NDC1: variants seen among roughly 807,000 people sequenced by gnomAD.
The protein encoded by NDC1 is nucleoporin NDC1.
In NDC1, 24 loss-of-function variants were observed where a neutral mutation model predicts 89.8. That is an observed-to-expected ratio of 0.27 (90% CI 0.19 to 0.38). NDC1 has a LOEUF of 0.38. NDC1 is among the 10% of genes least tolerant of loss of function. NDC1 has a pLI of 1.00. For synonymous variants in NDC1, 296 were observed against 284.8 expected (o/e 1.04, Z -0.39); for missense variants, 728 against 797.6 (o/e 0.91, Z 1.05).
At chr1:53,824,067 T>A (rs147136504) in intron 5 of NDC1, among the ~76,000 whole-genome samples, 4 of 151,704 alleles carry the variant, frequency 2.6e-5, no homozygotes, top group Non-Finnish European at 5.9e-5. Context: ...TAGACCCCAC[T>A]CTACAAAAAA....
intron 5 of NDC1, among the ~76,000 whole-genome samples, chr1:53,820,299 C>A (rs1648622125): frequency 6.6e-6 from 1 of 151,402 alleles, no homozygotes; most frequent in Non-Finnish European, 1.5e-5. Context: ...AAAAAAAAAT[C>A]TCATAATGTT....
intron 5 of NDC1, among the ~76,000 whole-genome samples, chr1:53,821,913 C>T (rs1264952499): frequency 1.3e-5 from 2 of 152,188 alleles, no homozygotes; most frequent in Admixed American, 1.3e-4. Flanking sequence ...TTTCTTTGTG[C>T]CCTACTTCAT....
chr1:53,800,266 G>A (rs1038665803), intron 11 of NDC1, among the ~76,000 whole-genome samples: 2 of 150,090 alleles, frequency 1.3e-5, no homozygotes. Context: ...CTATATGTTG[G>A]ATCAATTTTC....
At chr1:53,785,997 T>C (rs1470905351) in intron 16 of NDC1, among the ~76,000 whole-genome samples, 2 of 152,180 alleles carry the variant, frequency 1.3e-5, no homozygotes, top group East Asian at 3.8e-4. Context: ...CGATCTCCAC[T>C]CACCATAACC....
intron 7 of NDC1, 51 bp downstream of exon 7, chr1:53,809,644 T>C: frequency 7.6e-7 from 1 of 1,323,146 alleles, no homozygotes; most frequent in Non-Finnish European, 1.1e-6. Flanking sequence ...ATAGCAAACA[T>C]CTAAAAGAAT....
chr1:53,790,759 T>C (rs1647469564), intron 14 of NDC1, among the ~76,000 whole-genome samples: 1 of 152,108 alleles, frequency 6.6e-6, no homozygotes, highest in Non-Finnish European at 1.5e-5. Context: ...CTACTTGTTA[T>C]CTCTTTTAAA....
chr1:53,771,503 T>C (rs553944505), intron 17 of NDC1, among the ~76,000 whole-genome samples: 24 of 152,266 alleles, frequency 1.6e-4, no homozygotes, highest in Non-Finnish European at 2.4e-4. Flanking sequence ...GATAAAACTT[T>C]CTGGAAGTAG....
intron 3 of NDC1, among the ~76,000 whole-genome samples, chr1:53,830,909 C>A (rs1352331770): frequency 6.7e-6 from 1 of 149,250 alleles, no homozygotes; most frequent in Non-Finnish European, 1.5e-5. Flanking sequence ...GATCCTACCG[C>A]ATCTGTTTCT....
In NDC1 at chr1:53,823,528, G is replaced by A. The variant is rs376857371; in HGVS notation, c.594+2270C>T. Among the ~76,000 whole-genome samples the A allele has an allele frequency of 5.9e-5, 9 of 152,340 alleles. No individual in the cohort carries two copies. In the South Asian group the frequency reaches 1.9e-3, roughly 32 times the overall value. ...GCATTGTCAACTATCAGACTTCTAT[G>A]TGCACTCTACTGCATATCTGTGGTG... On this transcript the variant is annotated intron_variant, in intron 5 of 17. Transcript: ENST00000371429.
At chr1:53,834,757 A>C (rs34640823) in intron 2 of NDC1, among the ~76,000 whole-genome samples, 83,514 of 151,984 alleles carry the variant, frequency 0.55, 25,013 homozygotes, top group South Asian at 0.73. Flanking sequence ...AGTTATTAAC[A>C]GAAAACAAGT....
At chr1:53,799,273 C>T (rs1647828303) in intron 11 of NDC1, among the ~76,000 whole-genome samples, 2 of 152,186 alleles carry the variant, frequency 1.3e-5, no homozygotes. Context: ...ACTAAAAGGT[C>T]AGATCCAAGA....
intron 10 of NDC1, among the ~76,000 whole-genome samples, chr1:53,803,600 C>T (rs1211031171): frequency 2.0e-5 from 3 of 151,924 alleles, no homozygotes; most frequent in Admixed American, 6.5e-5. Context: ...GAGACGGAGT[C>T]TCACTCTGTC....
intron 8 of NDC1, 74 bp from the exon 9 acceptor site, chr1:53,806,591 C>T (rs1648118808): frequency 1.1e-6 from 1 of 921,220 alleles, no homozygotes; most frequent in African/African-American, 1.7e-5. Flanking sequence ...CAAATTAAAA[C>T]ATAAAGACAG....
rs1570187706 is a variant in NDC1 at position 53,797,341 on chromosome 1, ATCT to A, written c.1223-200_1223-198del. Among the ~76,000 whole-genome samples the A allele has an allele frequency of 2.0e-5, 3 of 152,190 alleles. No homozygotes were observed. The East Asian group carries it at 5.8e-4, about 29-fold the overall frequency. On this transcript the variant is annotated intron_variant, in intron 11 of 17. Coordinates refer to ENST00000371429, the MANE Select transcript of NDC1 (RefSeq NM_018087.5). ...AAGCTCCACTCAAAGAGCTTTATAC[ATCT>A]TCTTCTGTCAGATCGATATAGTCTC... is the stretch of plus-strand genomic sequence containing the variant.
chr1:53,831,578 C>T (rs1033580097), intron 3 of NDC1, among the ~76,000 whole-genome samples: 3 of 151,562 alleles, frequency 2.0e-5, no homozygotes, highest in Non-Finnish European at 4.4e-5. Context: ...GAGGCTGAGG[C>T]AGGAGAATCA....
chr1:53,785,354 A>G (rs1020820586), intron 16 of NDC1, among the ~76,000 whole-genome samples: 2 of 152,212 alleles, frequency 1.3e-5, no homozygotes, highest in Non-Finnish European at 2.9e-5. Context: ...GCTGCAGGGA[A>G]TTGCTAGGAA....
At chr1:53,776,804 A>G (rs1647167031) in intron 16 of NDC1, among the ~76,000 whole-genome samples, 2 of 152,342 alleles carry the variant, frequency 1.3e-5, no homozygotes, top group African/African-American at 4.8e-5. Flanking sequence ...ATAGCTTTTC[A>G]TGAAAAATCA....
At position 53,828,868 on chromosome 1, in the gene NDC1, T is replaced by A. The variant is rs548822062; in HGVS notation, c.281-695A>T. On this transcript the variant is annotated intron_variant, in intron 3 of 17. Coordinates refer to ENST00000371429, the MANE Select transcript of NDC1 (RefSeq NM_018087.5). ...CTCAGGTGATCCACCCACCTTGGCCTCCCAAAGTGTTGGGATTACAGGCAC... is the reference window on the plus strand; with the variant it reads ...CTCAGGTGATCCACCCACCTTGGCCACCCAAAGTGTTGGGATTACAGGCAC... Among the ~76,000 whole-genome samples, 112 of 152,234 alleles carry A rather than the reference T, an allele frequency of 7.4e-4. 1 individual carries two copies. Among genetic ancestry groups the A allele is most frequent in the African/African-American group, 2.6e-3 (106 of 41,538 alleles).
intron 16 of NDC1, among the ~76,000 whole-genome samples, chr1:53,785,901 TTTTATTCATTTA>T (rs1647291106): frequency 6.6e-6 from 1 of 151,382 alleles, no homozygotes; most frequent in African/African-American, 2.4e-5. Flanking sequence ...CAGATGCTAT[TTTTATTCATTTA>T]TTTATTTATT....
Sources: allele counts gnomAD v4.1 joint callset (sites outside exome capture counted in the v4.1 genomes callset), GRCh38; gene constraint gnomAD v4.1.1; transcripts MANE v1.5; gene names NCBI Gene and HGNC (gene_info 2026-07-23, HGNC 2026-07-21).